The following IFNAR2 variants were observed in gnomAD, a reference collection of about 807,000 sequenced individuals.
IFNAR2 encodes the protein interferon alpha/beta receptor 2.
IFNAR2 carries 30 observed loss-of-function variants against 49.4 expected under a neutral mutation model. The ratio of observed to expected loss-of-function variants is 0.61; its 90% CI spans 0.45 to 0.82. The LOEUF is 0.82. Ranked by LOEUF, IFNAR2 falls within the 40% of genes least tolerant of loss-of-function variation. IFNAR2 has a pLI of 0.00. For missense variants in IFNAR2, 600 were observed against 622.7 expected, an observed-to-expected ratio of 0.96 and a Z score of 0.39; for synonymous variants, 224 against 234.5, an observed-to-expected ratio of 0.96 and a Z score of 0.41.
In IFNAR2 at chr21:33,263,964, C is replaced by G. The variant is rs1234679402; in HGVS notation, c.*464C>G. On this transcript the variant is annotated 3_prime_UTR_variant, in exon 9 of 9. Transcript: ENST00000342136. Reference sequence around the variant, plus strand: ...CCGCCTCCCAGGTTCAAGTGATTCTCCTGCCTCAGCCTCCCTCGCAAGTAG... The same window carrying G: ...CCGCCTCCCAGGTTCAAGTGATTCTGCTGCCTCAGCCTCCCTCGCAAGTAG... The G allele has an allele frequency of 3.3e-5, 5 of 152,620 alleles. No homozygotes were observed. In the Admixed American group the frequency reaches 3.3e-4, roughly 10 times the overall value. 9.5% of individuals were successfully genotyped at this position (152,620 alleles called of 1,614,324 possible). A position where few individuals can be genotyped will look rare whatever the true frequency, so the allele number is the denominator to read the frequency against.
rs986756067 is a variant in IFNAR2 at position 33,233,986 on chromosome 21, A to G, written c.-84+3770A>G. On this transcript the variant is annotated intron_variant, in intron 1 of 8. Transcript: ENST00000342136. ...ATTCTCTTCTTTCAAAGAATGGAAT[A>G]GTAAATATGGTATAAAATTAAAAGA... 1.3e-5 allele frequency among the ~76,000 whole-genome samples: 2 copies of G among 152,150 alleles called. 1 individual carries two copies. The highest frequency in any genetic ancestry group is 1.3e-4 in the Admixed American group (2 of 15,272).
chr21:33,237,490 A>T (rs1419003961), intron 1 of IFNAR2, among the ~76,000 whole-genome samples: 1 of 151,866 alleles, frequency 6.6e-6, no homozygotes, highest in Non-Finnish European at 1.5e-5. Context: ...AGCCGAGATC[A>T]CACCACTGCA....
chr21:33,241,959 C>T lies in IFNAR2; in HGVS notation c.37C>T (p.Leu13Phe), dbSNP rs752249011. ...CCAGAATGCCTTCATCTTCAGATCA[C>T]TTAATTTGGTTCTCATGGGTAAGTG... is the stretch of plus-strand genomic sequence containing the variant. Reference protein sequence around the residue: ...LSQNAFIFRSLNLVLMVYISL... With the variant: ...LSQNAFIFRSFNLVLMVYISL... Residue 13 changes from leucine to phenylalanine, a missense_variant, in exon 2 of 9, where the codon CTT becomes TTT. Coordinates refer to ENST00000342136, the MANE Select transcript of IFNAR2 (RefSeq NM_001289125.3). 5.0e-6 allele frequency: 8 copies of T among 1,612,820 alleles called. No individual in the cohort carries two copies. The highest frequency in any genetic ancestry group is 6.8e-6 in the Non-Finnish European group (8 of 1,179,428).
rs200934084 is a variant in IFNAR2, at chr21:33,263,085, C to T, written c.1133C>T (p.Pro378Leu). 2 of 1,614,120 alleles carry T rather than the reference C, an allele frequency of 1.2e-6. No individual in the cohort carries two copies. The highest frequency in any genetic ancestry group is 1.3e-5 in the African/African-American group (1 of 75,004). Residue 378 changes from proline (P) to leucine (L), a missense_variant, in exon 9 of 9, where the codon CCC becomes CTC. Physicochemically the swap from Pro to Leu is moderately conservative, Grantham distance 98 (BLOSUM62 -3). Coordinates refer to ENST00000342136, the MANE Select transcript of IFNAR2 (RefSeq NM_001289125.3). ...CTGCCTGAGGTTGATGTGGAGCTCC[C>T]CACGATGCCAAAGGACAGCCCTCAG... ...PDLPEVDVELPTMPKDSPQQL... is the reference protein window; with the variant it reads ...PDLPEVDVELLTMPKDSPQQL...
intron 8 of IFNAR2, among the ~76,000 whole-genome samples, chr21:33,262,129 G>C (rs1010611600): frequency 6.6e-6 from 1 of 152,166 alleles, no homozygotes; most frequent in African/African-American, 2.4e-5. Flanking sequence ...CACTTCGGGA[G>C]GCCAAGGCAG....
At chr21:33,262,741 G>T in intron 8 of IFNAR2, 52 bp from the exon 9 acceptor site, 1 of 1,588,300 alleles carries the variant, frequency 6.3e-7, no homozygotes. Flanking sequence ...AAAATAAAGA[G>T]CAAACAGTAC....
chr21:33,252,802 C>T lies in IFNAR2; in HGVS notation c.681C>T (p.Cys227=), dbSNP rs1472789608. ...CAGTAATAAAGTCTCCCTTAAAATG[C>T]ACCCTCCTTCCACCTGGCCAGGAAT... The part of the protein sequence containing the change: ...EQAVIKSPLK[C]TLLPPGQESE... The change falls in exon 7 of 9, where the codon TGC becomes TGT. Residue 227 remains cysteine (C), a synonymous_variant. Coordinates refer to ENST00000342136, the MANE Select transcript of IFNAR2 (RefSeq NM_001289125.3). 1.2e-6 allele frequency: 2 copies of T among 1,613,816 alleles called. No homozygotes were observed. The highest frequency in any genetic ancestry group is 1.7e-6 in the Non-Finnish European group (2 of 1,179,738).
chr21:33,242,083 C>A (rs769478382), intron 2 of IFNAR2, 106 bp downstream of exon 2: 17 of 942,610 alleles, frequency 1.8e-5, no homozygotes, highest in Non-Finnish European at 2.6e-5. Flanking sequence ...ACTAGAGGAC[C>A]CAGTACCACC....
chr21:33,251,810 C>G (rs1022420488), intron 6 of IFNAR2: 3 of 979,088 alleles, frequency 3.1e-6, no homozygotes, highest in Non-Finnish European at 3.6e-6. Flanking sequence ...TGGCTGGGCA[C>G]AGTGGCTTAC....
At chr21:33,243,112 C>T (rs1027794686) in intron 2 of IFNAR2, among the ~76,000 whole-genome samples, 203 of 147,262 alleles carry the variant, frequency 1.4e-3, no homozygotes, top group African/African-American at 4.7e-3. Flanking sequence ...TAGACAGAGT[C>T]TCCCTCTGTC....
At chr21:33,262,551 A>AT (rs1043763985) in intron 8 of IFNAR2, 11 of 696,528 alleles carry the variant, frequency 1.6e-5, no homozygotes, top group Non-Finnish European at 2.3e-5. Context: ...TTTATTTTTT[A>AT]TTTTTTTAGA....
intron 1 of IFNAR2, among the ~76,000 whole-genome samples, 160 bp from the exon 2 acceptor site, chr21:33,241,680 T>C (rs965022925): frequency 5.3e-5 from 8 of 152,204 alleles, no homozygotes; most frequent in Non-Finnish European, 5.9e-5. Context: ...TGTTGCCTGT[T>C]CAAAAGTTAA....
At chr21:33,235,602 G>GT (rs954980916) in intron 1 of IFNAR2, among the ~76,000 whole-genome samples, 5 of 152,024 alleles carry the variant, frequency 3.3e-5, no homozygotes, top group Non-Finnish European at 5.9e-5. Flanking sequence ...AACACGTAAT[G>GT]TTTTTTTGTT....
At chr21:33,241,258 C>T (rs1297368673) in intron 1 of IFNAR2, among the ~76,000 whole-genome samples, 1 of 152,142 alleles carries the variant, frequency 6.6e-6, no homozygotes, top group Non-Finnish European at 1.5e-5. Flanking sequence ...ACTGATATGT[C>T]CTTTGTCTAG....
rs768789852 is a variant in IFNAR2 at position 33,252,680 on chromosome 21, G to A, written c.559G>A (p.Gly187Arg). ...IVKKHKPEIK[G>R]NMSGNFTYII... ...TTTACAGCATAAACCCGAAATAAAA[G>A]GAAACATGAGTGGAAATTTCACCTA... The change falls in exon 7 of 9, where the codon GGA (glycine) becomes AGA (arginine). Residue 187 changes from glycine to arginine, a missense_variant. Gly to Arg is a moderately radical substitution (Grantham distance 125). Transcript: ENST00000342136. 3.1e-6 allele frequency: 5 copies of A among 1,613,070 alleles called. No individual in the cohort carries two copies. The African/African-American group carries it at 4.0e-5, about 13-fold the overall frequency.
At chr21:33,236,806 C>G (rs1986497786) in intron 1 of IFNAR2, 1 of 983,364 alleles carries the variant, frequency 1.0e-6, no homozygotes, top group African/African-American at 1.7e-5. Context: ...ACAGGAGAAC[C>G]TCAAGCCAAG....
chr21:33,242,596 G>T (rs62226154), intron 2 of IFNAR2, among the ~76,000 whole-genome samples: 31,389 of 150,524 alleles, frequency 0.21, 3,448 homozygotes, highest in Non-Finnish European at 0.24. Context: ...AGGCGGGCGT[G>T]GTGGCGGGCG....
At chr21:33,252,527 T>G in intron 6 of IFNAR2, 135 bp from the exon 7 acceptor site, 1 of 1,446,522 alleles carries the variant, frequency 6.9e-7, no homozygotes, top group East Asian at 2.5e-5. Context: ...TCCAGATGAC[T>G]TATAAATCCT....
rs1987050002 is a variant in IFNAR2 at position 33,242,751 on chromosome 21, TCGTGTGCGTGTGTGTGTGTGTGTGTG to T, written c.55+775_55+800del. 3.6e-4 allele frequency among the ~76,000 whole-genome samples: 4 copies of T among 11,164 alleles called. 2 individuals are homozygous for T. The highest frequency in any genetic ancestry group is 1.8e-3 in the African/African-American group (2 of 1,128). 7.3% of individuals were successfully genotyped at this position (11,164 alleles called of 152,430 possible). On this transcript the variant is annotated intron_variant, in intron 2 of 8. Coordinates refer to ENST00000342136, the MANE Select transcript of IFNAR2 (RefSeq NM_001289125.3). ...CTCAAAAAAAAAAAAAAAAAAAATC[TCGTGTGCGTGTGTGTGTGTGTGTGTG>T]TGTGTGTGTGTGTGTGTGTGTGTGT...
Sources: gnomAD v4.1 joint callset for allele counts (sites outside exome capture counted in the v4.1 genomes callset) on GRCh38, gnomAD v4.1.1 for gene constraint, MANE v1.5 for transcripts, NCBI Gene and HGNC (gene_info 2026-07-23, HGNC 2026-07-21) for gene names.